The following IMPA2 variants were observed in gnomAD, a reference collection of about 807,000 sequenced individuals.
IMPA2 encodes the protein IMP 2.
IMPA2 carries 32 observed loss-of-function variants against 35.1 expected under a neutral mutation model. The observed-to-expected ratio is 0.91, with a 90% confidence interval of 0.69 to 1.23. IMPA2 has a LOEUF of 1.23. Among genes scored for constraint, IMPA2 ranks in the 50% most tolerant of loss-of-function variants. The pLI is 0.00. For synonymous variants in IMPA2, 135 were observed against 160.6 expected (o/e 0.84, Z 1.20); for missense variants, 334 against 387.6 (o/e 0.86, Z 1.16).
chr18:12,029,036 TGA>T, intron 7 of IMPA2, 43 bp downstream of exon 7: 3 of 1,584,404 alleles, frequency 1.9e-6, no homozygotes, highest in Non-Finnish European at 2.6e-6. Context: ...GAAACTAGAC[TGA>T]GAGACACTGT....
intron 1 of IMPA2, among the ~76,000 whole-genome samples, chr18:11,998,604 TCTC>T (rs764127952): frequency 2.0e-5 from 3 of 152,146 alleles, no homozygotes; most frequent in Non-Finnish European, 4.4e-5. Flanking sequence ...TACACTGAAA[TCTC>T]CTAAATTTGA....
chr18:11,984,211 C>CAA (rs1252700608), intron 1 of IMPA2, among the ~76,000 whole-genome samples: 6 of 151,998 alleles, frequency 3.9e-5, no homozygotes, highest in African/African-American at 1.5e-4. Context: ...GCAGGCTTCC[C>CAA]TGTCCCAGGC....
intron 2 of IMPA2, among the ~76,000 whole-genome samples, chr18:12,003,677 A>G (rs796632741): frequency 0.11 from 11,432 of 100,236 alleles, 764 homozygotes; most frequent in East Asian, 0.46. Flanking sequence ...AAAGGAAAAA[A>G]AAAAAAAAAG....
chr18:11,986,226 G>A lies in IMPA2; in HGVS notation c.96+4461G>A, dbSNP rs193229195. 3.5e-3 allele frequency among the ~76,000 whole-genome samples: 530 copies of A among 152,284 alleles called. 1 individual carries two copies. The highest frequency in any genetic ancestry group is 2.9e-3 in the Non-Finnish European group (198 of 68,028). On this transcript the variant is annotated intron_variant, in intron 1 of 7. Transcript: ENST00000269159. ...CCCGGCCTTGCGAAGTGAGCCTGTC[G>A]TCCCCTTGTCCGGCCAGATCTGGTC...
rs655409 is a variant in IMPA2 at position 11,990,347 on chromosome 18, G to A, written c.96+8582G>A. 1.0e-2 allele frequency among the ~76,000 whole-genome samples: 1,317 copies of A among 131,806 alleles called. 16 individuals carry two copies. Among genetic ancestry groups the A allele is most frequent in the African/African-American group, 0.04 (1,266 of 31,504 alleles). The allele number at this position is 131,806 out of a possible 152,430, so 86.5% of individuals were successfully genotyped here. On this transcript the variant is annotated intron_variant, in intron 1 of 7. Coordinates refer to ENST00000269159, the MANE Select transcript of IMPA2 (RefSeq NM_014214.3). ...TTCCTGGAAGAAGTCACAGCTGAGTGTGTCTTTAGAAAAAAAGCAGGAGTC... is the reference window on the plus strand; with the variant it reads ...TTCCTGGAAGAAGTCACAGCTGAGTATGTCTTTAGAAAAAAAGCAGGAGTC...
At chr18:12,022,531 ATATATAT>A (rs763985415) in intron 5 of IMPA2, among the ~76,000 whole-genome samples, 19,916 of 44,742 alleles carry the variant, frequency 0.45, 3,086 homozygotes, top group Admixed American at 0.5. Context: ...CAAAAAGAAT[ATATATAT>A]ATATATATAT....
intron 5 of IMPA2, among the ~76,000 whole-genome samples, chr18:12,014,845 GCAC>G (rs1907534517): frequency 6.6e-6 from 1 of 152,096 alleles, no homozygotes; most frequent in African/African-American, 2.4e-5. Context: ...ATGTGAAGAG[GCAC>G]CTTAGCCCCT....
intron 1 of IMPA2, among the ~76,000 whole-genome samples, chr18:11,984,086 G>A (rs889004133): frequency 1.4e-4 from 21 of 152,158 alleles, no homozygotes; most frequent in African/African-American, 4.8e-4. Context: ...AGGTGAGGGA[G>A]CCGAAGGAGA....
At chr18:11,983,164 A>C (rs1329147729) in intron 1 of IMPA2, among the ~76,000 whole-genome samples, 1 of 152,146 alleles carries the variant, frequency 6.6e-6, no homozygotes, top group Non-Finnish European at 1.5e-5. Context: ...CCACCCTTTG[A>C]CCTTTCCCTC....
At chr18:11,985,822 AAGTT>A (rs1444461866) in intron 1 of IMPA2, among the ~76,000 whole-genome samples, 2 of 152,174 alleles carry the variant, frequency 1.3e-5, no homozygotes. Flanking sequence ...TATTGAAGCA[AAGTT>A]AGTTCATCTA....
intron 1 of IMPA2, among the ~76,000 whole-genome samples, chr18:11,988,105 A>G (rs1906718149): frequency 6.9e-6 from 1 of 144,354 alleles, no homozygotes; most frequent in Non-Finnish European, 1.5e-5. Flanking sequence ...TCCCGGGCTC[A>G]AGCAATTCTC....
intron 5 of IMPA2, among the ~76,000 whole-genome samples, chr18:12,024,344 C>T (rs1012228741): frequency 2.0e-5 from 3 of 152,084 alleles, no homozygotes; most frequent in Non-Finnish European, 2.9e-5. Flanking sequence ...ATTAGCTGGG[C>T]ATGGTGGTGC....
chr18:11,997,118 C>T (rs560769021), intron 1 of IMPA2, among the ~76,000 whole-genome samples: 1 of 152,320 alleles, frequency 6.6e-6, no homozygotes, highest in East Asian at 1.9e-4. Flanking sequence ...ATCACCGTGG[C>T]CATACATGAG....
chr18:12,022,918 ATG>A (rs1160100924), intron 5 of IMPA2, among the ~76,000 whole-genome samples: 2 of 145,450 alleles, frequency 1.4e-5, no homozygotes, highest in Non-Finnish European at 3.0e-5. Context: ...GGGATTACAA[ATG>A]TGTGCCACCA....
chr18:11,987,477 T>C (rs897994999), intron 1 of IMPA2, among the ~76,000 whole-genome samples: 12 of 152,274 alleles, frequency 7.9e-5, no homozygotes, highest in African/African-American at 2.9e-4. Flanking sequence ...TCTACAGGCA[T>C]GCGCCACCAT....
intron 2 of IMPA2, chr18:12,008,261 GCT>G (rs1907332820): frequency 2.1e-6 from 1 of 487,476 alleles, no homozygotes; most frequent in South Asian, 1.5e-5. Flanking sequence ...CTCCCACAGT[GCT>G]GGGATTACAG....
chr18:12,008,600 C>T (rs576842292), intron 2 of IMPA2: 10 of 455,594 alleles, frequency 2.2e-5, no homozygotes, highest in East Asian at 7.0e-5. Flanking sequence ...AGGTGGGCTG[C>T]GAATACACCT....
intron 1 of IMPA2, among the ~76,000 whole-genome samples, chr18:11,985,298 T>C (rs1314121064): frequency 6.6e-6 from 1 of 152,192 alleles, no homozygotes; most frequent in African/African-American, 2.4e-5. Context: ...AAATAACAAT[T>C]CTTTCACTGC....
Position 12,028,971 on chromosome 18 carries a change from C to A in IMPA2, c.729C>A (p.Gly243=). Residue 243 remains glycine (G), a synonymous_variant, in exon 7 of 8, where the codon GGC becomes GGA. Coordinates refer to ENST00000269159, the MANE Select transcript of IMPA2 (RefSeq NM_014214.3). ...AAATVIIREA[G]GIVIDTSGGP... Reference sequence around the variant, plus strand: ...CCACAGTCATCATCAGAGAAGCAGGCGGCATCGTGATAGACACTTCGGGTG... The same window carrying A: ...CCACAGTCATCATCAGAGAAGCAGGAGGCATCGTGATAGACACTTCGGGTG... 5 of 1,613,666 alleles carry A rather than the reference C, an allele frequency of 3.1e-6. No homozygotes were observed. The highest frequency in any genetic ancestry group is 4.2e-6 in the Non-Finnish European group (5 of 1,179,984).
Sources: allele counts gnomAD v4.1 joint callset (sites outside exome capture counted in the v4.1 genomes callset), GRCh38; gene constraint gnomAD v4.1.1; transcripts MANE v1.5; gene names NCBI Gene and HGNC (gene_info 2026-07-23, HGNC 2026-07-21).